The following SLC10A7 variants were observed in gnomAD, a reference collection of about 807,000 sequenced individuals.
The protein encoded by SLC10A7 is solute carrier family 10 member 7.
A neutral mutation model predicts 43.2 loss-of-function variants in SLC10A7; 29 were observed. The observed-to-expected ratio is 0.67, with a 90% confidence interval of 0.50 to 0.92. SLC10A7 has a LOEUF of 0.92. Among genes scored for constraint, SLC10A7 ranks in the 40% least tolerant of loss-of-function variants. The pLI is 0.00. For synonymous variants in SLC10A7, 152 were observed against 144.8 expected, an observed-to-expected ratio of 1.05 and a Z score of -0.35; for missense variants, 295 against 403.2, an observed-to-expected ratio of 0.73 and a Z score of 2.30.
At chr4:146,510,495 A>G (rs1191567912) in intron 2 of SLC10A7, among the ~76,000 whole-genome samples, 1 of 152,034 alleles carries the variant, frequency 6.6e-6, no homozygotes, top group African/African-American at 2.4e-5. Context: ...TCCTGACCTC[A>G]TGATCTGCCC....
intron 4 of SLC10A7, among the ~76,000 whole-genome samples, chr4:146,470,790 T>G (rs759374631): frequency 1.3e-5 from 2 of 152,230 alleles, no homozygotes; most frequent in East Asian, 3.8e-4. Flanking sequence ...CTGAAATTCC[T>G]CTTTGCAAAT....
chr4:146,451,231 C>CAAAA (rs572993886), intron 4 of SLC10A7, among the ~76,000 whole-genome samples: 5,784 of 71,460 alleles, frequency 0.081, 268 homozygotes, highest in East Asian at 0.2. Flanking sequence ...AGTCTCCCAC[C>CAAAA]AAAAAAAAAA....
chr4:146,258,915 G>T lies in SLC10A7; in HGVS notation c.848-78C>A. 2.7e-6 allele frequency: 4 copies of T among 1,466,662 alleles called. No individual in the cohort carries two copies. The East Asian group carries it at 7.3e-5, about 27-fold the overall frequency. The allele number at this position is 1,466,662 out of a possible 1,614,324, so 90.9% of individuals were successfully genotyped here. A position where few individuals can be genotyped will look rare whatever the true frequency, so the allele number is the denominator to read the frequency against. Reference sequence around the variant, plus strand: ...TTAAATGCATACTCCATCAAAATCAGAACTTTGGAATAGGTTATTACCATA... The same window carrying T: ...TTAAATGCATACTCCATCAAAATCATAACTTTGGAATAGGTTATTACCATA... On this transcript the variant is annotated intron_variant, in intron 10 of 11. Transcript: ENST00000335472.
At chr4:146,328,721 A>G (rs1733329989) in intron 5 of SLC10A7, among the ~76,000 whole-genome samples, 1 of 152,184 alleles carries the variant, frequency 6.6e-6, no homozygotes, top group Non-Finnish European at 1.5e-5. Context: ...TGAGCTGATT[A>G]CAGCTGAAGA....
chr4:146,502,393 T>C (rs1736502621), intron 4 of SLC10A7, among the ~76,000 whole-genome samples: 2 of 152,268 alleles, frequency 1.3e-5, no homozygotes, highest in East Asian at 3.9e-4. Flanking sequence ...GAAGAGTGCT[T>C]ATATATTGAG....
intron 9 of SLC10A7, among the ~76,000 whole-genome samples, chr4:146,291,624 T>C (rs1234683064): frequency 6.6e-6 from 1 of 152,206 alleles, no homozygotes; most frequent in Non-Finnish European, 1.5e-5. Flanking sequence ...TCTACTCCTT[T>C]TGTCTCACCA....
At chr4:146,423,111 G>T (rs1418431027) in intron 5 of SLC10A7, among the ~76,000 whole-genome samples, 1 of 152,032 alleles carries the variant, frequency 6.6e-6, no homozygotes, top group Non-Finnish European at 1.5e-5. Context: ...AGTCCATTAA[G>T]CACATAGAAA....
At chr4:146,343,266 T>C (rs1734392869) in intron 5 of SLC10A7, among the ~76,000 whole-genome samples, 1 of 152,010 alleles carries the variant, frequency 6.6e-6, no homozygotes, top group South Asian at 2.1e-4. Flanking sequence ...CTAATTCAAA[T>C]ACTGACAGCC....
rs181538792 is a variant in SLC10A7 at position 146,308,226 on chromosome 4, C to T, written c.472-2217G>A. Among the ~76,000 whole-genome samples, 200 of 152,174 alleles carry T rather than the reference C, an allele frequency of 1.3e-3. 2 individuals carry two copies. Among genetic ancestry groups the T allele is most frequent in the African/African-American group, 4.5e-3 (186 of 41,528 alleles). On this transcript the variant is annotated intron_variant, in intron 6 of 11. Coordinates refer to ENST00000335472, the MANE Select transcript of SLC10A7 (RefSeq NM_001029998.6). ...CGAGGTATGGCAGGGATGCTGGGGA[C>T]GAAATCCCCCAGGATGGCTCCCTTA...
At chr4:146,354,123 G>T (rs1735367934) in intron 5 of SLC10A7, among the ~76,000 whole-genome samples, 1 of 148,078 alleles carries the variant, frequency 6.8e-6, no homozygotes, top group Non-Finnish European at 1.5e-5. Context: ...CGACATGATT[G>T]TTTATTTAGA....
chr4:146,382,323 A>G (rs144728879), intron 5 of SLC10A7, among the ~76,000 whole-genome samples: 15 of 152,252 alleles, frequency 9.9e-5, no homozygotes, highest in African/African-American at 3.6e-4. Flanking sequence ...CTGATCAGTC[A>G]TTTCTTCCAT....
At chr4:146,339,975 C>T (rs1306990089) in intron 5 of SLC10A7, among the ~76,000 whole-genome samples, 2 of 151,540 alleles carry the variant, frequency 1.3e-5, no homozygotes, top group African/African-American at 2.4e-5. Context: ...TCTCCCTCCC[C>T]TTGTCCCCCA....
chr4:146,376,081 G>A (rs1737177798), intron 5 of SLC10A7, among the ~76,000 whole-genome samples: 1 of 152,114 alleles, frequency 6.6e-6, no homozygotes, highest in Admixed American at 6.5e-5. Flanking sequence ...ACAGCCAGAT[G>A]GAAGAGATGC....
chr4:146,374,743 T>G (rs989627970), intron 5 of SLC10A7, among the ~76,000 whole-genome samples: 6 of 152,020 alleles, frequency 3.9e-5, no homozygotes, highest in Non-Finnish European at 7.4e-5. Flanking sequence ...GTGCTAACAT[T>G]ACTTCAATAC....
intron 4 of SLC10A7, among the ~76,000 whole-genome samples, chr4:146,455,896 C>T (rs1732003460): frequency 6.6e-6 from 1 of 151,684 alleles, no homozygotes; most frequent in Non-Finnish European, 1.5e-5. Flanking sequence ...AATGTTAGGT[C>T]CCCTGAGAAA....
At chr4:146,400,328 T>C (rs1384671084) in intron 5 of SLC10A7, among the ~76,000 whole-genome samples, 2 of 152,028 alleles carry the variant, frequency 1.3e-5, no homozygotes, top group African/African-American at 2.4e-5. Context: ...TGGGGTGGGA[T>C]TGGCACTGTT....
chr4:146,427,791 C>A (rs917193783), intron 5 of SLC10A7, among the ~76,000 whole-genome samples: 2 of 152,150 alleles, frequency 1.3e-5, no homozygotes, highest in Non-Finnish European at 2.9e-5. Context: ...CATTTGCATA[C>A]CTCGGTAGCT....
chr4:146,332,034 A>G (rs953550669), intron 5 of SLC10A7, among the ~76,000 whole-genome samples: 3 of 152,218 alleles, frequency 2.0e-5, no homozygotes, highest in Admixed American at 6.5e-5. Context: ...AGAAAGAGAC[A>G]TTAGGAGCCT....
intron 3 of SLC10A7, among the ~76,000 whole-genome samples, chr4:146,506,304 T>C (rs1736889131): frequency 6.6e-6 from 1 of 152,180 alleles, no homozygotes; most frequent in African/African-American, 2.4e-5. Flanking sequence ...ATATATCTTC[T>C]ATGAGTAAAA....
Sources: allele counts gnomAD v4.1 joint callset (sites outside exome capture counted in the v4.1 genomes callset), GRCh38; gene constraint gnomAD v4.1.1; transcripts MANE v1.5; gene names NCBI Gene and HGNC (gene_info 2026-07-23, HGNC 2026-07-21).